The following CAMK1G variants were observed in gnomAD, a reference collection of about 807,000 sequenced individuals.
The protein encoded by CAMK1G is calcium/calmodulin-dependent protein kinase type 1G.
CAMK1G carries 27 observed loss-of-function variants against 54.8 expected under a neutral mutation model. That is an observed-to-expected ratio of 0.49 (90% CI 0.36 to 0.68). The LOEUF is 0.68. Among genes scored for constraint, CAMK1G ranks in the 30% least tolerant of loss-of-function variants. The pLI, the probability that CAMK1G is intolerant of heterozygous loss-of-function variation, is 0.00. For synonymous variants in CAMK1G, 238 were observed against 224.9 expected (o/e 1.06, Z -0.52); for missense variants, 512 against 591.0 (o/e 0.87, Z 1.39).
rs553259893 is a variant in CAMK1G at position 209,604,033 on chromosome 1, C to T, written c.296+745C>T. Among the ~76,000 whole-genome samples the T allele has an allele frequency of 6.6e-5, 10 of 152,338 alleles. No individual in the cohort carries two copies. The South Asian group carries it at 2.1e-3, about 32-fold the overall frequency. ...CACTTCTGTTTATAAAGTACACACA[C>T]ACACACAAATACACACACTTGCACA... On this transcript the variant is annotated intron_variant, in intron 4 of 12. Transcript: ENST00000361322.
chr1:209,595,781 C>G (rs1665365448), intron 2 of CAMK1G, among the ~76,000 whole-genome samples: 2 of 152,222 alleles, frequency 1.3e-5, no homozygotes, highest in Admixed American at 6.5e-5. Flanking sequence ...TTCAGCTGTG[C>G]TCTAGTCCAT....
rs754831027 is a variant in CAMK1G at position 209,609,093 on chromosome 1, G to A, written c.748+1G>A. On this transcript the variant is annotated splice_donor_variant, in intron 8 of 12. Coordinates refer to ENST00000361322, the MANE Select transcript of CAMK1G (RefSeq NM_020439.3). LOFTEE classifies it high-confidence loss of function. ...TTCTGGGATGACATTTCTGAGTCAG[G>A]TAAGGCCAGTAGGCATGAAGGAGAG... 6 of 1,614,026 alleles carry A rather than the reference G, an allele frequency of 3.7e-6. No individual in the cohort carries two copies.
intron 4 of CAMK1G, among the ~76,000 whole-genome samples, chr1:209,604,043 TACAC>T (rs1387623905): frequency 1.3e-5 from 2 of 152,094 alleles, no homozygotes; most frequent in Non-Finnish European, 2.9e-5. Context: ...CACACACAAA[TACAC>T]ACACTTGCAC....
chr1:209,599,903 G>A (rs1349792808), intron 2 of CAMK1G, 80 bp from the exon 3 acceptor site: 51 of 1,545,656 alleles, frequency 3.3e-5, no homozygotes, highest in East Asian at 1.1e-4. Flanking sequence ...ACTCTGTTAC[G>A]TCCTTTCTGA....
At chr1:209,610,176 G>A (rs1046069370) in intron 9 of CAMK1G, among the ~76,000 whole-genome samples, 14 of 152,110 alleles carry the variant, frequency 9.2e-5, no homozygotes, top group Admixed American at 4.6e-4. Context: ...GCAGCCGAGC[G>A]CTGTCATTCA....
At chr1:209,607,564 C>T (rs1254447380) in intron 6 of CAMK1G, among the ~76,000 whole-genome samples, 1 of 152,210 alleles carries the variant, frequency 6.6e-6, no homozygotes, top group Non-Finnish European at 1.5e-5. Flanking sequence ...TCAGAGAATA[C>T]TCAGTGTAAT....
chr1:209,591,723 C>T (rs1168090159), intron 1 of CAMK1G, among the ~76,000 whole-genome samples: 1 of 152,168 alleles, frequency 6.6e-6, no homozygotes, highest in African/African-American at 2.4e-5. Context: ...TTAGACTTAT[C>T]AGGGACCCTG....
intron 1 of CAMK1G, among the ~76,000 whole-genome samples, chr1:209,590,015 TATCGATGTGAAAA>T (rs1665206881): frequency 6.6e-6 from 1 of 152,204 alleles, no homozygotes; most frequent in African/African-American, 2.4e-5. Context: ...TCTCCTGAGC[TATCGATGTGAAAA>T]ATCAGCCCTA....
intron 1 of CAMK1G, among the ~76,000 whole-genome samples, chr1:209,593,680 C>T (rs1369138497): frequency 1.3e-5 from 2 of 152,210 alleles, no homozygotes. Context: ...GATAACTGGA[C>T]TCCCAGAATA....
intron 1 of CAMK1G, among the ~76,000 whole-genome samples, chr1:209,584,983 A>G (rs972499595): frequency 1.3e-5 from 2 of 152,152 alleles, no homozygotes; most frequent in African/African-American, 4.8e-5. Context: ...GGCATGTATT[A>G]TTTCCCCTTT....
chr1:209,606,204 C>G, intron 5 of CAMK1G, 116 bp from the exon 6 acceptor site: 2 of 1,331,026 alleles, frequency 1.5e-6, no homozygotes, highest in Non-Finnish European at 1.0e-6. Flanking sequence ...GGAGGATGAG[C>G]TGGCCTTGAA....
intron 1 of CAMK1G, among the ~76,000 whole-genome samples, chr1:209,594,467 T>G (rs1462748406): frequency 1.3e-5 from 2 of 152,370 alleles, no homozygotes; most frequent in East Asian, 3.9e-4. Flanking sequence ...GTGCTAAATG[T>G]TGTAGGAGTT....
At chr1:209,600,533 T>C (rs879911564) in intron 3 of CAMK1G, among the ~76,000 whole-genome samples, 1 of 152,242 alleles carries the variant, frequency 6.6e-6, no homozygotes, top group Admixed American at 6.5e-5. Context: ...ATCATATGTT[T>C]ACAGCAAGAC....
chr1:209,594,621 T>A (rs775257946), intron 1 of CAMK1G, among the ~76,000 whole-genome samples: 1 of 152,214 alleles, frequency 6.6e-6, no homozygotes, highest in South Asian at 2.1e-4. Flanking sequence ...ATTGTGACTA[T>A]CATTTGGAAA....
intron 3 of CAMK1G, among the ~76,000 whole-genome samples, chr1:209,602,132 T>C (rs934734376): frequency 1.3e-5 from 2 of 152,186 alleles, no homozygotes; most frequent in African/African-American, 4.8e-5. Context: ...AATGTAGGGC[T>C]GGACTTCTCC....
At chr1:209,590,826 C>A (rs180967509) in intron 1 of CAMK1G, among the ~76,000 whole-genome samples, 13 of 152,236 alleles carry the variant, frequency 8.5e-5, no homozygotes, top group Admixed American at 7.8e-4. Flanking sequence ...CAAGACTTAC[C>A]AGCAGCAGTG....
chr1:209,588,350 C>T (rs78004127), intron 1 of CAMK1G, among the ~76,000 whole-genome samples: 4 of 144,534 alleles, frequency 2.8e-5, no homozygotes, highest in East Asian at 2.1e-4. Flanking sequence ...TAGAGTGGAG[C>T]GGAATGGATT....
At chr1:209,606,005 G>A (rs1571783790) in intron 5 of CAMK1G, among the ~76,000 whole-genome samples, 1 of 152,294 alleles carries the variant, frequency 6.6e-6, no homozygotes, top group East Asian at 1.9e-4. Flanking sequence ...CTGGACTCTG[G>A]AGAGATCAGA....
chr1:209,592,344 CAAAA>C (rs56012133), intron 1 of CAMK1G, among the ~76,000 whole-genome samples: 3 of 70,212 alleles, frequency 4.3e-5, no homozygotes, highest in Non-Finnish European at 3.1e-5. Flanking sequence ...GACTCTGTCT[CAAAA>C]AAAAAAAAAA....
Sources: allele counts gnomAD v4.1 joint callset (sites outside exome capture counted in the v4.1 genomes callset), GRCh38; gene constraint gnomAD v4.1.1; transcripts MANE v1.5; gene names NCBI Gene and HGNC (gene_info 2026-07-23, HGNC 2026-07-21).